The following ACTR3C variants were observed in gnomAD, a reference collection of about 807,000 sequenced individuals.
The protein encoded by ACTR3C is actin related protein 3C, also known as actin-related protein 3C.
A neutral mutation model predicts 26.3 loss-of-function variants in ACTR3C; 18 were observed. The ratio of observed to expected loss-of-function variants is 0.68; its 90% CI spans 0.47 to 1.01. ACTR3C has a LOEUF of 1.01. Ranked by LOEUF, ACTR3C falls within the 50% of genes least tolerant of loss-of-function variation. ACTR3C has a pLI of 0.00. For missense variants in ACTR3C, 184 were observed against 250.7 expected (o/e 0.73, Z 1.80); for synonymous variants, 55 against 94.5 (o/e 0.58, Z 2.42).
At chr7:150,309,492 G>A (rs925629209) in intron 1 of ACTR3C, among the ~76,000 whole-genome samples, 4 of 152,188 alleles carry the variant, frequency 2.6e-5, no homozygotes, top group East Asian at 1.9e-4. Flanking sequence ...AAGCGGCAAC[G>A]CATTTCAGAG....
At chr7:150,034,751 G>C in the ACTR3C span, among the ~76,000 whole-genome samples, 20 of 150,986 alleles carry the variant, frequency 1.3e-4, no homozygotes, top group African/African-American at 3.2e-4. Flanking sequence ...AGGATCCTAG[G>C]ATCAACGAAG....
chr7:150,161,488 G>C, the ACTR3C span, among the ~76,000 whole-genome samples: 1 of 151,758 alleles, frequency 6.6e-6, no homozygotes, highest in Non-Finnish European at 1.5e-5. Flanking sequence ...CCTTGCGGTA[G>C]TTTGCTGAGA....
chr7:149,897,820 G>A, the ACTR3C span, among the ~76,000 whole-genome samples: 1 of 152,206 alleles, frequency 6.6e-6, no homozygotes, highest in Non-Finnish European at 1.5e-5. Flanking sequence ...AGGGGTTGCA[G>A]TGAGCTGAGA....
chr7:150,046,423 G>A, the ACTR3C span, among the ~76,000 whole-genome samples: 1 of 144,750 alleles, frequency 6.9e-6, no homozygotes, highest in Non-Finnish European at 1.5e-5. Context: ...GCTGGAGGCT[G>A]CAGAGGTAAT....
the ACTR3C span, among the ~76,000 whole-genome samples, chr7:150,175,582 G>A: frequency 2.1e-4 from 31 of 150,028 alleles, no homozygotes; most frequent in Non-Finnish European, 2.6e-4. Flanking sequence ...GGGAGGCCAA[G>A]GTGGGTGGAT....
chr7:150,181,383 A>G, the ACTR3C span, among the ~76,000 whole-genome samples: 1 of 150,944 alleles, frequency 6.6e-6, no homozygotes, highest in South Asian at 2.1e-4. Context: ...AAAAATAAAA[A>G]GACAGGCCGG....
chr7:150,154,966 C>G, the ACTR3C span, among the ~76,000 whole-genome samples: 1 of 152,138 alleles, frequency 6.6e-6, no homozygotes, highest in Non-Finnish European at 1.5e-5. Flanking sequence ...GATCCTGTCC[C>G]TCCCCTGGCC....
At chr7:150,205,995 G>C in the ACTR3C span, among the ~76,000 whole-genome samples, 3 of 152,196 alleles carry the variant, frequency 2.0e-5, no homozygotes, top group East Asian at 1.9e-4. Flanking sequence ...TCACTTTTAC[G>C]TAATGGTACA....
At chr7:150,032,685 T>A in the ACTR3C span, among the ~76,000 whole-genome samples, 13 of 151,928 alleles carry the variant, frequency 8.6e-5, no homozygotes, top group African/African-American at 2.9e-4. Flanking sequence ...GGGAATATCA[T>A]GTCAGCACCA....
At chr7:150,299,501 A>AAAAAAAAG (rs1795254053) in intron 1 of ACTR3C, among the ~76,000 whole-genome samples, 1 of 148,116 alleles carries the variant, frequency 6.8e-6, no homozygotes, top group African/African-American at 2.5e-5. Flanking sequence ...AAAACAAAAA[A>AAAAAAAAG]CAGGCTGGGT....
the ACTR3C span, among the ~76,000 whole-genome samples, chr7:150,039,296 G>T: frequency 2.3e-3 from 351 of 150,474 alleles, no homozygotes; most frequent in Admixed American, 0.022. Flanking sequence ...TCCTGCGATG[G>T]GGGTACCAAC....
the ACTR3C span, among the ~76,000 whole-genome samples, chr7:150,180,267 T>A: frequency 2.0e-5 from 3 of 149,620 alleles, no homozygotes; most frequent in Non-Finnish European, 2.9e-5. Context: ...ATCGCGCCAC[T>A]GCACTCCAGC....
the ACTR3C span, among the ~76,000 whole-genome samples, chr7:150,235,285 C>A: frequency 1.3e-5 from 2 of 152,296 alleles, no homozygotes; most frequent in Admixed American, 6.5e-5. Context: ...ATAGATTACA[C>A]AACGTTAGGC....
the ACTR3C span, among the ~76,000 whole-genome samples, chr7:149,991,926 T>C: frequency 6.7e-6 from 1 of 150,280 alleles, no homozygotes; most frequent in African/African-American, 2.4e-5. Flanking sequence ...ATGTTTGTTA[T>C]GTAAGCACAC....
At chr7:149,881,417 G>A in the ACTR3C span, 1 of 153,122 alleles carries the variant, frequency 6.5e-6, no homozygotes, top group Non-Finnish European at 1.5e-5. Flanking sequence ...AGAAGCGAGG[G>A]GGGAGCTGCT....
the ACTR3C span, among the ~76,000 whole-genome samples, chr7:150,010,184 T>C: frequency 1.3e-5 from 2 of 152,228 alleles, no homozygotes; most frequent in African/African-American, 2.4e-5. Flanking sequence ...TTCCTTTGCA[T>C]GGACAATGTT....
chr7:150,012,521 T>C, the ACTR3C span, among the ~76,000 whole-genome samples: 1 of 150,824 alleles, frequency 6.6e-6, no homozygotes, highest in Non-Finnish European at 1.5e-5. Context: ...TTCACCATGT[T>C]AGCCAGGATG....
chr7:150,083,756 A>G, the ACTR3C span, among the ~76,000 whole-genome samples: 1 of 152,044 alleles, frequency 6.6e-6, no homozygotes, highest in South Asian at 2.1e-4. Context: ...CTCCTTGCCC[A>G]CCTACTTCTT....
the ACTR3C span, among the ~76,000 whole-genome samples, chr7:150,214,282 C>T: frequency 6.6e-6 from 1 of 151,952 alleles, no homozygotes; most frequent in Non-Finnish European, 1.5e-5. Flanking sequence ...AATTATCATA[C>T]AAGAGTTTTA....
Sources: allele counts gnomAD v4.1 joint callset (sites outside exome capture counted in the v4.1 genomes callset), GRCh38; gene constraint gnomAD v4.1.1; transcripts MANE v1.5; gene names NCBI Gene and HGNC (gene_info 2026-07-23, HGNC 2026-07-21).